ADD3: variants seen among roughly 807,000 people sequenced by gnomAD.
The protein encoded by ADD3 is gamma-adducin.
Under a neutral mutation model 80.2 loss-of-function variants are expected in ADD3, and 25 were observed. The ratio of observed to expected loss-of-function variants is 0.31; its 90% CI spans 0.23 to 0.44. The LOEUF (loss-of-function observed/expected upper bound fraction) is 0.44, where lower values mean the gene tolerates loss of function less well. Among genes scored for constraint, ADD3 ranks in the 20% least tolerant of loss-of-function variants. ADD3 has a pLI of 1.00. For synonymous variants in ADD3, 284 were observed against 289.6 expected, an observed-to-expected ratio of 0.98 and a Z score of 0.20; for missense variants, 829 against 847.5, an observed-to-expected ratio of 0.98 and a Z score of 0.27.
intron 1 of ADD3, among the ~76,000 whole-genome samples, chr10:109,998,626 C>T (rs1851424495): frequency 6.6e-6 from 1 of 152,198 alleles, no homozygotes; most frequent in African/African-American, 2.4e-5. Context: ...CAGCCCCCAC[C>T]TAGCTCTCCT....
intron 1 of ADD3, among the ~76,000 whole-genome samples, chr10:110,061,090 C>T (rs1282051790): frequency 1.3e-5 from 2 of 152,094 alleles, no homozygotes; most frequent in African/African-American, 4.8e-5. Context: ...TGTATTAGTG[C>T]CTATTACTCT....
At chr10:110,036,997 G>T (rs80038450) in intron 1 of ADD3, among the ~76,000 whole-genome samples, 1 of 152,156 alleles carries the variant, frequency 6.6e-6, no homozygotes, top group African/African-American at 2.4e-5. Flanking sequence ...TAAGTGGTCA[G>T]GTTCTAATTT....
At chr10:110,032,248 T>C (rs1354287061) in intron 1 of ADD3, among the ~76,000 whole-genome samples, 1 of 152,214 alleles carries the variant, frequency 6.6e-6, no homozygotes, top group Admixed American at 6.5e-5. Flanking sequence ...GCCATGTCCT[T>C]GACATTGTTG....
chr10:110,124,213 T>A lies in ADD3; in HGVS notation c.1340T>A (p.Met447Lys), dbSNP rs142248857. Residue 447 changes from methionine to lysine, a missense_variant, in exon 10 of 15, where the codon ATG becomes AAG. Coordinates refer to ENST00000356080, the MANE Select transcript of ADD3 (RefSeq NM_016824.5). ...TGGCTGAACTCACCAAATACTTACA[T>A]GAAAGTGAATGTGCCTGAGGAGTCT... ...TRWLNSPNTY[M>K]KVNVPEESRN... is the part of the protein sequence containing the mutation. The A allele has an allele frequency of 6.2e-7, 1 of 1,614,190 alleles. No individual in the cohort carries two copies. Among genetic ancestry groups the A allele is most frequent in the South Asian group, 1.1e-5 (1 of 91,080 alleles).
At chr10:110,098,582 T>C (rs1326696441) in intron 1 of ADD3, among the ~76,000 whole-genome samples, 1 of 152,188 alleles carries the variant, frequency 6.6e-6, no homozygotes, top group African/African-American at 2.4e-5. Flanking sequence ...TAAAGTTCTT[T>C]TAACACCCAT....
chr10:110,093,589 CTCCTT>C (rs1847812704), intron 1 of ADD3, among the ~76,000 whole-genome samples: 1 of 152,182 alleles, frequency 6.6e-6, no homozygotes, highest in East Asian at 1.9e-4. Flanking sequence ...CCAACGTAGT[CTCCTT>C]TTCAGATGGA....
rs558609756 is a variant in ADD3 at position 110,133,732 on chromosome 10, T to C, written c.*114T>C. On this transcript the variant is annotated 3_prime_UTR_variant, in exon 15 of 15. Coordinates refer to ENST00000356080, the MANE Select transcript of ADD3 (RefSeq NM_016824.5). Reference sequence around the variant, plus strand: ...GATCAGATTGGGGGATGTAGCAAACTGGACTTTAAGAACTGGAAAGAGGTT... The same window carrying C: ...GATCAGATTGGGGGATGTAGCAAACCGGACTTTAAGAACTGGAAAGAGGTT... 236 of 868,014 alleles carry C rather than the reference T, an allele frequency of 2.7e-4. 3 individuals are homozygous for C. The South Asian group carries it at 5.9e-3, about 22-fold the overall frequency. The allele number at this position is 868,014 out of a possible 1,614,324, so 53.8% of individuals were successfully genotyped here. A position where few individuals can be genotyped will look rare whatever the true frequency, so the allele number is the denominator to read the frequency against.
At chr10:109,999,942 C>G (rs1177146860) in intron 1 of ADD3, among the ~76,000 whole-genome samples, 2 of 134,206 alleles carry the variant, frequency 1.5e-5, no homozygotes, top group Admixed American at 7.9e-5. Flanking sequence ...TTTTTTGAGA[C>G]AGAGTCTCAA....
At chr10:110,118,002 C>T (rs1475131206) in intron 5 of ADD3, among the ~76,000 whole-genome samples, 1 of 139,644 alleles carries the variant, frequency 7.2e-6, no homozygotes, top group Non-Finnish European at 1.5e-5. Context: ...GGCTACAGGG[C>T]GAGACTCTGT....
rs1191351522 is a variant in ADD3 at position 110,133,889 on chromosome 10, T to G, written c.*271T>G. 4.1e-6 allele frequency: 1 copy of G among 243,368 alleles called. No homozygotes were observed. The highest frequency in any genetic ancestry group is 7.8e-6 in the Non-Finnish European group (1 of 128,440). The allele number at this position is 243,368 out of a possible 1,614,324, so 15.1% of individuals were successfully genotyped here. A position where few individuals can be genotyped will look rare whatever the true frequency, so the allele number is the denominator to read the frequency against. On this transcript the variant is annotated 3_prime_UTR_variant, in exon 15 of 15. Transcript: ENST00000356080. ...TATTATAATTCACCATAAACAGCTA[T>G]CTGTCTGAATTACTTCAGGCCTTCT... is the stretch of plus-strand genomic sequence containing the variant.
rs952124060 is a variant in ADD3 at position 110,081,360 on chromosome 10, A to C, written c.-29-19265A>C. On this transcript the variant is annotated intron_variant, in intron 1 of 14. Coordinates refer to ENST00000356080, the MANE Select transcript of ADD3 (RefSeq NM_016824.5). ...CTAGGTAACTGAGACAGTCTTGCTT[A>C]GAATCCTCTAAAATGACAACTGCTC... Among the ~76,000 whole-genome samples, 14 of 152,232 alleles carry C rather than the reference A, an allele frequency of 9.2e-5. No homozygotes were observed. In the East Asian group the frequency reaches 2.5e-3, roughly 27 times the overall value.
At position 110,133,484 on chromosome 10, in the gene ADD3, AAGTCTC is replaced by A; in HGVS notation, c.1988_1993del (p.Lys663_Pro665delinsThr). The A allele has an allele frequency of 6.2e-7, 1 of 1,613,954 alleles. No individual in the cohort carries two copies. Among genetic ancestry groups the A allele is most frequent in the Non-Finnish European group, 8.5e-7 (1 of 1,179,910 alleles). On this transcript the variant is annotated inframe_deletion, in exon 15 of 15. Coordinates refer to ENST00000356080, the MANE Select transcript of ADD3 (RefSeq NM_016824.5). ...CATAGAAAACATCGAGATTACTATT[AAGTCTC>A]CAGAGAAAATCGAAGAAGTCCTGTC... is the stretch of plus-strand genomic sequence containing the variant.
intron 1 of ADD3, among the ~76,000 whole-genome samples, chr10:110,085,910 AG>A (rs1267906819): frequency 4.6e-5 from 7 of 151,666 alleles, no homozygotes; most frequent in Admixed American, 3.3e-4. Flanking sequence ...GTTCGAGTCC[AG>A]CCTGACCAAC....
intron 2 of ADD3, among the ~76,000 whole-genome samples, chr10:110,110,832 TA>T (rs1200987322): frequency 6.6e-6 from 1 of 151,944 alleles, no homozygotes; most frequent in Non-Finnish European, 1.5e-5. Flanking sequence ...CCATCTCTAC[TA>T]AAACTACAAA....
At chr10:110,122,389 A>T in intron 9 of ADD3, 97 bp downstream of exon 9, 1 of 1,126,676 alleles carries the variant, frequency 8.9e-7, no homozygotes, top group Non-Finnish European at 1.3e-6. Context: ...ACTCTTCCAG[A>T]AGCTGAGTTT....
chr10:110,040,023 C>A (rs1856104669), intron 1 of ADD3, among the ~76,000 whole-genome samples: 1 of 152,112 alleles, frequency 6.6e-6, no homozygotes, highest in Non-Finnish European at 1.5e-5. Context: ...CCACTTCTGC[C>A]CCTATTGCTG....
chr10:110,057,757 A>G (rs1229928394), intron 1 of ADD3, among the ~76,000 whole-genome samples: 1 of 152,234 alleles, frequency 6.6e-6, no homozygotes, highest in African/African-American at 2.4e-5. Context: ...TAGGCACCCA[A>G]CAAATATTTT....
chr10:110,085,253 C>T (rs1161460743), intron 1 of ADD3, among the ~76,000 whole-genome samples: 1 of 152,216 alleles, frequency 6.6e-6, no homozygotes, highest in African/African-American at 2.4e-5. Flanking sequence ...TAATGTCCAA[C>T]ACAGTTCAAA....
chr10:110,126,009 G>T (rs1852099164), intron 11 of ADD3, 64 bp downstream of exon 11: 1 of 1,468,442 alleles, frequency 6.8e-7, no homozygotes, highest in African/African-American at 1.4e-5. Context: ...AATCACCAGT[G>T]GTTGAATCTG....
Sources: allele counts gnomAD v4.1 joint callset (sites outside exome capture counted in the v4.1 genomes callset), GRCh38; gene constraint gnomAD v4.1.1; transcripts MANE v1.5; gene names NCBI Gene and HGNC (gene_info 2026-07-23, HGNC 2026-07-21).